The following NTM variants were observed in gnomAD, a reference collection of about 807,000 sequenced individuals.
NTM encodes IgLON family member 2.
A neutral mutation model predicts 42.1 loss-of-function variants in NTM; 13 were observed. The observed-to-expected ratio is 0.31, with a 90% CI of 0.20 to 0.49. The LOEUF (loss-of-function observed/expected upper bound fraction) is 0.49. Among genes scored for constraint, NTM ranks in the 20% least tolerant of loss-of-function variants. The pLI, the probability that NTM is intolerant of heterozygous loss-of-function variation, is 0.99. For missense variants in NTM, 373 were observed against 452.8 expected (o/e 0.82, Z 1.60); for synonymous variants, 187 against 179.2 (o/e 1.04, Z -0.35).
chr11:131,416,498 A>G (rs1457476837), intron 1 of NTM, among the ~76,000 whole-genome samples: 2 of 152,210 alleles, frequency 1.3e-5, no homozygotes. Context: ...TGCCACCTTC[A>G]ACATTGGCTG....
At chr11:131,735,735 C>T (rs2080329462) in intron 1 of NTM, among the ~76,000 whole-genome samples, 1 of 152,034 alleles carries the variant, frequency 6.6e-6, no homozygotes, top group South Asian at 2.1e-4. Flanking sequence ...TTCCATGGTT[C>T]CTTCAGCAAA....
intron 1 of NTM, among the ~76,000 whole-genome samples, chr11:131,732,366 C>T: frequency 6.6e-6 from 1 of 152,184 alleles, no homozygotes; most frequent in East Asian, 1.9e-4. Flanking sequence ...ACCTTTTTAC[C>T]ACTGGGTGGG....
intron 4 of NTM, among the ~76,000 whole-genome samples, chr11:132,242,043 C>A (rs1566558897): frequency 6.6e-6 from 1 of 152,208 alleles, no homozygotes; most frequent in Non-Finnish European, 1.5e-5. Context: ...TTTGCAATGG[C>A]ACAATAGATT....
At chr11:131,392,461 T>C (rs1944132766) in intron 1 of NTM, among the ~76,000 whole-genome samples, 1 of 152,014 alleles carries the variant, frequency 6.6e-6, no homozygotes. Context: ...AGGGATGGGG[T>C]TGGGCTTCAT....
chr11:132,066,957 AT>A (rs55941052), intron 2 of NTM, among the ~76,000 whole-genome samples: 37,592 of 150,174 alleles, frequency 0.25, 4,941 homozygotes, highest in African/African-American at 0.31. Flanking sequence ...TTTGTGAAAC[AT>A]TTTTTTTTTC....
At chr11:132,027,212 T>A (rs755889849) in intron 2 of NTM, among the ~76,000 whole-genome samples, 1 of 152,196 alleles carries the variant, frequency 6.6e-6, no homozygotes, top group Non-Finnish European at 1.5e-5. Flanking sequence ...ACATGATATA[T>A]GAAATTTCAA....
intron 1 of NTM, among the ~76,000 whole-genome samples, chr11:131,543,402 A>G (rs1021752551): frequency 6.6e-6 from 1 of 152,232 alleles, no homozygotes; most frequent in African/African-American, 2.4e-5. Flanking sequence ...TGGCAACGGT[A>G]CATATCCCTA....
At chr11:131,727,841 C>A (rs1166412330) in intron 1 of NTM, among the ~76,000 whole-genome samples, 2 of 152,172 alleles carry the variant, frequency 1.3e-5, no homozygotes, top group Non-Finnish European at 2.9e-5. Context: ...ACCCAAAATG[C>A]AAGAAATCCC....
At chr11:131,374,052 G>A (rs1387590225) in intron 1 of NTM, among the ~76,000 whole-genome samples, 4 of 152,326 alleles carry the variant, frequency 2.6e-5, no homozygotes, top group Middle Eastern at 6.8e-3. Context: ...GGTGGCAGAC[G>A]AGACCATAGC....
intron 2 of NTM, among the ~76,000 whole-genome samples, chr11:132,040,544 A>G (rs1339903504): frequency 6.6e-6 from 1 of 152,208 alleles, no homozygotes; most frequent in Non-Finnish European, 1.5e-5. Flanking sequence ...TGTTGGCAAT[A>G]TTGATATGAA....
At chr11:131,746,202 C>T (rs1267652767) in intron 1 of NTM, among the ~76,000 whole-genome samples, 3 of 152,104 alleles carry the variant, frequency 2.0e-5, no homozygotes, top group Admixed American at 6.6e-5. Context: ...ATCCTCCCGC[C>T]GAAGGTGACT....
chr11:132,111,698 G>A (rs2063223400), intron 2 of NTM, among the ~76,000 whole-genome samples: 1 of 152,194 alleles, frequency 6.6e-6, no homozygotes, highest in African/African-American at 2.4e-5. Flanking sequence ...AGACATCAAA[G>A]TCAGCTAAAG....
intron 1 of NTM, among the ~76,000 whole-genome samples, chr11:131,801,984 G>T (rs1264846534): frequency 6.7e-6 from 1 of 150,226 alleles, no homozygotes; most frequent in Non-Finnish European, 1.5e-5. Context: ...TTCTGATAGA[G>T]GGTATTTCAG....
At chr11:131,656,015 C>T (rs2067139763) in intron 1 of NTM, among the ~76,000 whole-genome samples, 2 of 152,220 alleles carry the variant, frequency 1.3e-5, no homozygotes, top group South Asian at 2.1e-4. Flanking sequence ...ACAGCCTAGA[C>T]CAGTGGTCAG....
chr11:132,157,003 A>T (rs2073333141), intron 3 of NTM, among the ~76,000 whole-genome samples: 1 of 152,238 alleles, frequency 6.6e-6, no homozygotes, highest in African/African-American at 2.4e-5. Context: ...GCCCATAGCC[A>T]GCGGAAGCTG....
At chr11:132,052,260 A>G (rs573357088) in intron 2 of NTM, among the ~76,000 whole-genome samples, 9 of 152,320 alleles carry the variant, frequency 5.9e-5, no homozygotes, top group African/African-American at 2.2e-4. Flanking sequence ...AATAACTGAC[A>G]TGAATGCTAA....
In NTM at chr11:132,063,930, C is replaced by G. The variant is rs138349724; in HGVS notation, c.168-82352C>G. Among the ~76,000 whole-genome samples, 161 of 152,284 alleles carry G rather than the reference C, an allele frequency of 1.1e-3. 1 individual carries two copies. The highest frequency in any genetic ancestry group is 3.7e-3 in the African/African-American group (154 of 41,570). ...TCCAGAGAGTCAGAATCTGTTAAAA[C>G]ACACTTAACATGACCCACAAAGCAA... On this transcript the variant is annotated intron_variant, in intron 2 of 8. Transcript: ENST00000683400.
chr11:132,220,570 A>T (rs2084941672), intron 4 of NTM, among the ~76,000 whole-genome samples: 1 of 152,228 alleles, frequency 6.6e-6, no homozygotes, highest in African/African-American at 2.4e-5. Flanking sequence ...ATCAAGCCTC[A>T]TTCTAGAAAC....
chr11:132,010,668 A>G (rs73586666), intron 2 of NTM, among the ~76,000 whole-genome samples: 5,504 of 146,690 alleles, frequency 0.038, 323 homozygotes, highest in African/African-American at 0.13. Context: ...TGAACTCTTT[A>G]CGGCAACTGA....
Sources: gnomAD v4.1 joint callset for allele counts (sites outside exome capture counted in the v4.1 genomes callset) on GRCh38, gnomAD v4.1.1 for gene constraint, MANE v1.5 for transcripts, NCBI Gene and HGNC (gene_info 2026-07-23, HGNC 2026-07-21) for gene names.